The following RGS7 variants were observed in gnomAD, a reference collection of about 807,000 sequenced individuals.
RGS7 encodes the protein regulator of G protein signaling 7.
A neutral mutation model predicts 81.1 loss-of-function variants in RGS7; 27 were observed. The ratio of observed to expected loss-of-function variants is 0.33; its 90% CI spans 0.25 to 0.46. RGS7 has a LOEUF of 0.46. RGS7 is among the 20% of genes least tolerant of loss of function. The pLI is 1.00. For synonymous variants in RGS7, 208 were observed against 207.7 expected (o/e 1.00, Z -0.01); for missense variants, 396 against 607.4 (o/e 0.65, Z 3.66).
At chr1:240,918,291 A>G (rs547371135) in intron 6 of RGS7, among the ~76,000 whole-genome samples, 2 of 152,314 alleles carry the variant, frequency 1.3e-5, no homozygotes, top group Admixed American at 1.3e-4. Context: ...TGCAACAGCA[A>G]CAGAATCTAT....
At chr1:240,990,812 A>G (rs1401720805) in intron 3 of RGS7, among the ~76,000 whole-genome samples, 1 of 152,248 alleles carries the variant, frequency 6.6e-6, no homozygotes, top group Non-Finnish European at 1.5e-5. Flanking sequence ...TCCTTTCAGT[A>G]AACCTCAGAT....
intron 2 of RGS7, among the ~76,000 whole-genome samples, chr1:241,251,811 G>A (rs1019742742): frequency 2.6e-5 from 4 of 151,498 alleles, no homozygotes; most frequent in African/African-American, 9.7e-5. Context: ...CGCCTGGCTG[G>A]GATTTTTTCA....
intron 2 of RGS7, among the ~76,000 whole-genome samples, chr1:241,184,872 G>A (rs535570329): frequency 3.0e-4 from 45 of 152,284 alleles, no homozygotes; most frequent in African/African-American, 9.6e-4. Context: ...TATTTGAAGA[G>A]CTATAAAAGC....
intron 2 of RGS7, among the ~76,000 whole-genome samples, chr1:241,159,497 T>C (rs1460792483): frequency 6.6e-6 from 1 of 151,970 alleles, no homozygotes; most frequent in African/African-American, 2.4e-5. Context: ...CTTCCTTCCA[T>C]CCATCCATCC....
At chr1:241,241,018 TAAG>T (rs2076235541) in intron 2 of RGS7, among the ~76,000 whole-genome samples, 1 of 152,060 alleles carries the variant, frequency 6.6e-6, no homozygotes, top group Non-Finnish European at 1.5e-5. Flanking sequence ...CAGAGCTAAT[TAAG>T]AAGAGAACAG....
intron 2 of RGS7, among the ~76,000 whole-genome samples, chr1:241,214,296 G>C (rs2074424350): frequency 1.3e-5 from 2 of 151,818 alleles, no homozygotes; most frequent in Admixed American, 1.3e-4. Flanking sequence ...TAGAATTCTA[G>C]ACTGACAAGG....
At chr1:240,866,693 G>A (rs887236271) in intron 9 of RGS7, among the ~76,000 whole-genome samples, 4 of 152,068 alleles carry the variant, frequency 2.6e-5, no homozygotes, top group Non-Finnish European at 5.9e-5. Flanking sequence ...ACTAGCGCCC[G>A]ACTTGCACTG....
chr1:241,152,638 G>A (rs922338381), intron 2 of RGS7, among the ~76,000 whole-genome samples: 1 of 152,208 alleles, frequency 6.6e-6, no homozygotes, highest in Non-Finnish European at 1.5e-5. Flanking sequence ...GTAGGAGGAT[G>A]TCATTTGGAC....
rs1357756749 is a variant in RGS7 at position 240,814,709 on chromosome 1, T to C, written c.845+7A>G. The C allele has an allele frequency of 7.7e-6, 12 of 1,549,522 alleles. No individual in the cohort carries two copies. Among genetic ancestry groups the C allele is most frequent in the Non-Finnish European group, 1.1e-5 (12 of 1,121,736 alleles). Reference sequence around the variant, plus strand: ...TAAAATTTATACAGACACTTTGAAATACTCACCTGTCAGCGACTTTTGACA... The same window carrying C: ...TAAAATTTATACAGACACTTTGAAACACTCACCTGTCAGCGACTTTTGACA... On this transcript the variant is annotated splice_region_variant and intron_variant, in intron 12 of 18. Transcript: ENST00000440928.
At chr1:241,019,395 T>G (rs1191992144) in intron 3 of RGS7, among the ~76,000 whole-genome samples, 2 of 152,144 alleles carry the variant, frequency 1.3e-5, no homozygotes, top group Admixed American at 6.5e-5. Flanking sequence ...CTAGGGTACA[T>G]GTGCGCAACA....
intron 2 of RGS7, among the ~76,000 whole-genome samples, chr1:241,211,635 G>A (rs1007509211): frequency 2.0e-5 from 3 of 152,122 alleles, no homozygotes; most frequent in African/African-American, 4.8e-5. Context: ...TATAAAAACC[G>A]GTCAAATCAA....
Position 241,281,205 on chromosome 1 carries a change from C to T in RGS7, c.78+74494G>A, listed in dbSNP as rs75008650. 9.7e-3 allele frequency among the ~76,000 whole-genome samples: 1,483 copies of T among 152,246 alleles called. 13 individuals carry two copies. Among genetic ancestry groups the T allele is most frequent in the Non-Finnish European group, 0.016 (1,088 of 68,030 alleles). On this transcript the variant is annotated intron_variant, in intron 2 of 18. Coordinates refer to ENST00000440928, the MANE Select transcript of RGS7 (RefSeq NM_001364886.1). ...CCCACACAAACACTTACAGATGGTA[C>T]GTGGCACCATTTTCAGTCAAAAGAA...
intron 3 of RGS7, among the ~76,000 whole-genome samples, chr1:241,048,853 C>T (rs1205236336): frequency 6.6e-6 from 1 of 152,196 alleles, no homozygotes; most frequent in Non-Finnish European, 1.5e-5. Context: ...AGGTCTGAGA[C>T]TGATGTGTTA....
chr1:241,338,870 T>A (rs1292619775), intron 2 of RGS7, among the ~76,000 whole-genome samples: 1 of 152,112 alleles, frequency 6.6e-6, no homozygotes, highest in Non-Finnish European at 1.5e-5. Context: ...CCAGCCACTT[T>A]TAGCAAATTG....
intron 1 of RGS7, 25 bp from the exon 2 acceptor site, chr1:241,355,851 G>A (rs1573820972): frequency 8.0e-7 from 1 of 1,251,064 alleles, no homozygotes; most frequent in Non-Finnish European, 1.2e-6. Context: ...AGAGACTTCA[G>A]TGAGATCCCA....
At chr1:241,331,077 T>C (rs1027832938) in intron 2 of RGS7, among the ~76,000 whole-genome samples, 5 of 152,184 alleles carry the variant, frequency 3.3e-5, no homozygotes, top group African/African-American at 1.2e-4. Flanking sequence ...AACTCTTTGT[T>C]CCAGCAAATG....
At position 240,985,949 on chromosome 1, in the gene RGS7, T is replaced by TTAAATAAATAAA. The variant is rs71172667; in HGVS notation, c.176-2832_176-2821dup. 2.4e-3 allele frequency among the ~76,000 whole-genome samples: 349 copies of TTAAATAAATAAA among 144,628 alleles called. 2 individuals carry two copies. The highest frequency in any genetic ancestry group is 5.0e-3 in the East Asian group (24 of 4,776). The allele number at this position is 144,628 out of a possible 152,430, so 94.9% of individuals were successfully genotyped here. A position where few individuals can be genotyped will look rare whatever the true frequency, so the allele number is the denominator to read the frequency against. On this transcript the variant is annotated intron_variant, in intron 3 of 18. Transcript: ENST00000440928. ...TTTACAGCAATTTTCCAGCTTTATA[T>TTAAATAAATAAA]TAAATAAATAAATAAATAAATAAAT...
intron 3 of RGS7, among the ~76,000 whole-genome samples, chr1:241,088,575 T>TA (rs2063618572): frequency 6.6e-6 from 1 of 152,070 alleles, no homozygotes; most frequent in African/African-American, 2.4e-5. Context: ...GTAATTTTCC[T>TA]AAAAATCTTA....
At chr1:241,094,236 TAA>T (rs1202991094) in intron 3 of RGS7, among the ~76,000 whole-genome samples, 4 of 120,642 alleles carry the variant, frequency 3.3e-5, no homozygotes, top group African/African-American at 1.7e-4. Flanking sequence ...CAGACATACA[TAA>T]ACACACACAC....
Sources: gnomAD v4.1 joint callset for allele counts (sites outside exome capture counted in the v4.1 genomes callset) on GRCh38, gnomAD v4.1.1 for gene constraint, MANE v1.5 for transcripts, NCBI Gene and HGNC (gene_info 2026-07-23, HGNC 2026-07-21) for gene names.